Variants in LRRTM4 observed in about 807,000 individuals in gnomAD.
LRRTM4 encodes leucine rich repeat transmembrane neuronal 4, also known as leucine-rich repeat transmembrane neuronal protein 4.
A neutral mutation model predicts 47.6 loss-of-function variants in LRRTM4; 25 were observed. The observed-to-expected ratio is 0.53, with a 90% CI of 0.38 to 0.73. LRRTM4 has a LOEUF of 0.73. LRRTM4 is among the 30% of genes least tolerant of loss of function. The probability of loss-of-function intolerance (pLI) is 0.00; values close to 1 mark genes in which losing one functional copy is unlikely to be tolerated. For missense variants in LRRTM4, 638 were observed against 713.4 expected, an observed-to-expected ratio of 0.89 and a Z score of 1.20; for synonymous variants, 311 against 269.5, an observed-to-expected ratio of 1.15 and a Z score of -1.51.
intron 3 of LRRTM4, among the ~76,000 whole-genome samples, chr2:77,451,328 C>T (rs930698278): frequency 6.6e-6 from 1 of 152,134 alleles, no homozygotes; most frequent in Non-Finnish European, 1.5e-5. Flanking sequence ...CTGCTCAATG[C>T]CTATAAAAGG....
intron 3 of LRRTM4, among the ~76,000 whole-genome samples, chr2:76,803,592 T>G (rs1034137510): frequency 3.3e-5 from 5 of 152,174 alleles, no homozygotes; most frequent in African/African-American, 1.2e-4. Flanking sequence ...ATACCGCTAC[T>G]GGGTACATAT....
intron 3 of LRRTM4, among the ~76,000 whole-genome samples, chr2:77,348,349 T>C (rs1274929879): frequency 2.0e-5 from 3 of 151,636 alleles, no homozygotes; most frequent in African/African-American, 7.2e-5. Context: ...AAATTTTCTT[T>C]TTAATTTTAT....
rs1016694069 is a variant in LRRTM4, at chr2:77,355,908, C to T, written c.1551+162410G>A. On this transcript the variant is annotated intron_variant, in intron 3 of 3. Coordinates refer to ENST00000409884, the MANE Select transcript of LRRTM4 (RefSeq NM_001134745.3). ...AGGAGTTTGAGACCAGCCTGAGCAA[C>T]ATGACAAAAGCCTAATTTTACAAAC... Among the ~76,000 whole-genome samples, 5 of 152,248 alleles carry T rather than the reference C, an allele frequency of 3.3e-5. No individual in the cohort carries two copies. The South Asian group carries it at 1.0e-3, about 32-fold the overall frequency.
intron 3 of LRRTM4, among the ~76,000 whole-genome samples, chr2:77,006,518 T>C (rs944297507): frequency 6.6e-6 from 1 of 152,082 alleles, no homozygotes; most frequent in African/African-American, 2.4e-5. Context: ...CCAATGCCAA[T>C]TGCAAAGTCC....
intron 3 of LRRTM4, among the ~76,000 whole-genome samples, chr2:77,159,564 GAA>G (rs2103804602): frequency 6.6e-6 from 1 of 150,890 alleles, no homozygotes; most frequent in East Asian, 1.9e-4. Context: ...ATAAGGAAGA[GAA>G]TATATATTTA....
intron 3 of LRRTM4, among the ~76,000 whole-genome samples, chr2:77,321,607 T>C (rs906528205): frequency 2.6e-5 from 3 of 117,296 alleles, no homozygotes; most frequent in African/African-American, 1.3e-4. Context: ...AAGAAATGAA[T>C]TGCCATGACT....
intron 3 of LRRTM4, among the ~76,000 whole-genome samples, chr2:77,389,317 G>T (rs1382347194): frequency 2.0e-5 from 3 of 152,000 alleles, no homozygotes; most frequent in Non-Finnish European, 4.4e-5. Flanking sequence ...AAAGTCTGAG[G>T]AACTTAATTA....
intron 3 of LRRTM4, among the ~76,000 whole-genome samples, chr2:76,930,917 G>C (rs1346472329): frequency 6.6e-6 from 1 of 152,030 alleles, no homozygotes; most frequent in Non-Finnish European, 1.5e-5. Context: ...TTTCTAGATG[G>C]TAGCCAAATC....
chr2:76,897,663 C>T (rs191856747), intron 3 of LRRTM4, among the ~76,000 whole-genome samples: 1 of 152,088 alleles, frequency 6.6e-6, no homozygotes, highest in African/African-American at 2.4e-5. Context: ...ATTAATACAA[C>T]TAAAAGGTAA....
intron 3 of LRRTM4, among the ~76,000 whole-genome samples, chr2:76,898,197 T>C (rs1011160337): frequency 2.3e-4 from 33 of 144,602 alleles, no homozygotes; most frequent in African/African-American, 8.0e-4. Context: ...GTAGAGACTA[T>C]GTACTTGCTT....
intron 3 of LRRTM4, among the ~76,000 whole-genome samples, chr2:77,427,398 A>G (rs763275578): frequency 6.6e-6 from 1 of 152,232 alleles, no homozygotes; most frequent in African/African-American, 2.4e-5. Flanking sequence ...GGATCACTAC[A>G]TTAATTCTAC....
chr2:76,772,135 T>G (rs1337874607), intron 3 of LRRTM4, among the ~76,000 whole-genome samples: 3 of 151,854 alleles, frequency 2.0e-5, no homozygotes, highest in Non-Finnish European at 4.4e-5. Context: ...ATCATAAGAG[T>G]GGAGCTCTCA....
intron 3 of LRRTM4, among the ~76,000 whole-genome samples, chr2:77,081,383 TAAATG>T (rs1474768740): frequency 2.0e-5 from 3 of 152,016 alleles, no homozygotes; most frequent in Non-Finnish European, 4.4e-5. Context: ...AAAAGTAAAT[TAAATG>T]TAAAAGGTGT....
At chr2:76,802,714 A>G (rs1317777536) in intron 3 of LRRTM4, among the ~76,000 whole-genome samples, 1 of 152,134 alleles carries the variant, frequency 6.6e-6, no homozygotes, top group South Asian at 2.1e-4. Flanking sequence ...TTCAAAGTAT[A>G]CTACAAAGCT....
intron 3 of LRRTM4, among the ~76,000 whole-genome samples, chr2:77,151,533 TTCA>T (rs1436613607): frequency 2.6e-5 from 4 of 152,178 alleles, no homozygotes; most frequent in Non-Finnish European, 4.4e-5. Flanking sequence ...AACCCAAGTG[TTCA>T]TCAACAGTTG....
intron 3 of LRRTM4, among the ~76,000 whole-genome samples, chr2:77,157,719 T>C (rs1201306730): frequency 1.3e-5 from 2 of 152,160 alleles, no homozygotes; most frequent in Non-Finnish European, 2.9e-5. Context: ...AAGATATTTA[T>C]GTTTGTGATC....
intron 3 of LRRTM4, among the ~76,000 whole-genome samples, chr2:77,125,650 A>C (rs953979184): frequency 1.3e-5 from 2 of 152,188 alleles, no homozygotes; most frequent in Non-Finnish European, 1.5e-5. Context: ...AATTAAAACC[A>C]AAGTGCATGC....
At chr2:76,987,550 A>T (rs537265219) in intron 3 of LRRTM4, 1 of 152,042 alleles carries the variant, frequency 6.6e-6, no homozygotes, top group African/African-American at 2.4e-5. Flanking sequence ...CTGTGTGTGT[A>T]TGTTGCTTAC....
intron 3 of LRRTM4, among the ~76,000 whole-genome samples, chr2:77,066,810 T>C (rs980797278): frequency 1.3e-5 from 2 of 152,206 alleles, no homozygotes; most frequent in African/African-American, 4.8e-5. Context: ...AGATGTGACA[T>C]TTGGTTGAAT....
Sources: gnomAD v4.1 joint callset for allele counts (sites outside exome capture counted in the v4.1 genomes callset) on GRCh38, gnomAD v4.1.1 for gene constraint, MANE v1.5 for transcripts, NCBI Gene and HGNC (gene_info 2026-07-23, HGNC 2026-07-21) for gene names.